NFX1: variants seen among roughly 807,000 people sequenced by gnomAD.
NFX1 encodes transcriptional repressor NF-X1.
In NFX1, 69 loss-of-function variants were observed where a neutral mutation model predicts 137.2. The ratio of observed to expected loss-of-function variants is 0.50; its 90% CI spans 0.41 to 0.61. The LOEUF (loss-of-function observed/expected upper bound fraction) is 0.61. Among genes scored for constraint, NFX1 ranks in the 20% least tolerant of loss-of-function variants. The pLI, the probability that NFX1 is intolerant of heterozygous loss-of-function variation, is 0.00. For missense variants in NFX1, 1,167 were observed against 1,391.0 expected (o/e 0.84, Z 2.56); for synonymous variants, 495 against 474.1 (o/e 1.04, Z -0.57).
At chr9:33,299,491 C>G (rs1198656254) in intron 2 of NFX1, among the ~76,000 whole-genome samples, 2 of 152,090 alleles carry the variant, frequency 1.3e-5, no homozygotes, top group Non-Finnish European at 2.9e-5. Flanking sequence ...TCAAGACCAT[C>G]CTGGGCAACA....
intron 11 of NFX1, among the ~76,000 whole-genome samples, chr9:33,337,131 C>T (rs1823035660): frequency 6.6e-6 from 1 of 152,136 alleles, no homozygotes; most frequent in Non-Finnish European, 1.5e-5. Context: ...CCTGCCCTAG[C>T]CACACTTAAA....
At chr9:33,324,655 C>T (rs1822510794) in intron 9 of NFX1, among the ~76,000 whole-genome samples, 1 of 152,104 alleles carries the variant, frequency 6.6e-6, no homozygotes, top group African/African-American at 2.4e-5. Flanking sequence ...TGGTCAGGCA[C>T]AGTGGCTCAT....
intron 9 of NFX1, 115 bp from the exon 10 acceptor site, chr9:33,328,464 ACT>A (rs1822678313): frequency 1.4e-6 from 1 of 700,014 alleles, no homozygotes; most frequent in Admixed American, 2.2e-5. Flanking sequence ...ACTTCCCTCA[ACT>A]CTGATTCTGG....
At chr9:33,352,320 G>A in intron 16 of NFX1, 1 of 468,096 alleles carries the variant, frequency 2.1e-6, no homozygotes, top group Non-Finnish European at 4.2e-6. Context: ...ATGTGGAGTT[G>A]GCTTGGAGTT....
intron 10 of NFX1, among the ~76,000 whole-genome samples, chr9:33,329,590 A>G (rs542801529): frequency 1.3e-4 from 20 of 151,676 alleles, no homozygotes; most frequent in Admixed American, 3.9e-4. Context: ...TTCACTGTAC[A>G]TCTGTTTTGT....
chr9:33,303,228 T>A lies in NFX1; in HGVS notation c.1230T>A (p.Asn410Lys). ...GTTGGAGGTGCCCTGCCTGTCAGAA[T>A]GTTTCTGCACATGTTCCTAATACCT... is the stretch of plus-strand genomic sequence containing the variant. ...QSGWRCPACQ[N>K]VSAHVPNTYT... The change falls in exon 4 of 24, where the codon AAT becomes AAA. Residue 410 changes from asparagine to lysine, a missense_variant. Transcript: ENST00000379540. 2 of 1,614,186 alleles carry A rather than the reference T, an allele frequency of 1.2e-6. No individual in the cohort carries two copies. The highest frequency in any genetic ancestry group is 1.7e-6 in the Non-Finnish European group (2 of 1,180,022).
chr9:33,320,817 T>C (rs1238402314), intron 9 of NFX1, among the ~76,000 whole-genome samples: 1 of 152,232 alleles, frequency 6.6e-6, no homozygotes, highest in Non-Finnish European at 1.5e-5. Flanking sequence ...GCTAGAATCT[T>C]TAGGTTTGGT....
chr9:33,302,637 G>A (rs1333762232), intron 3 of NFX1, among the ~76,000 whole-genome samples: 1 of 150,900 alleles, frequency 6.6e-6, no homozygotes, highest in African/African-American at 2.4e-5. Context: ...AGACACATGA[G>A]CCACCATGCC....
At chr9:33,344,302 C>T (rs1398149642) in intron 14 of NFX1, 114 bp downstream of exon 14, 3 of 1,457,636 alleles carry the variant, frequency 2.1e-6, no homozygotes, top group African/African-American at 1.4e-5. Flanking sequence ...GCCCCTTGCT[C>T]CCGGCTCAGG....
chr9:33,348,998 G>A (rs1371880060), intron 15 of NFX1, among the ~76,000 whole-genome samples: 4 of 152,156 alleles, frequency 2.6e-5, no homozygotes, highest in African/African-American at 9.7e-5. Context: ...CTTCATGGAC[G>A]TATATTCCTC....
intron 9 of NFX1, among the ~76,000 whole-genome samples, chr9:33,324,623 T>A (rs560039385): frequency 3.5e-4 from 53 of 151,912 alleles, no homozygotes; most frequent in Admixed American, 9.2e-4. Flanking sequence ...TCAGTGAACA[T>A]GAAAATAGAT....
rs371208813 is a variant in NFX1 at position 33,295,356 on chromosome 9, A to T, written c.962A>T (p.Asp321Val). Residue 321 changes from aspartate to valine, a missense_variant, in exon 2 of 24, where the codon GAT (aspartate) becomes GTT (valine). Around this residue, in one of 3 missense-constraint regions of NFX1, gnomAD observed 367 missense variants for 386.7 expected, o/e 0.95. Coordinates refer to ENST00000379540, the MANE Select transcript of NFX1 (RefSeq NM_002504.6). ...GAGAAATGCACTGTACGGAGGCAGG[A>T]TCCTCAAGTAGTATCTCCTTTCTCC... ...DQEKCTVRRQ[D>V]PQVVSPFSRG... is the part of the protein sequence containing the mutation. The T allele has an allele frequency of 1.0e-4, 169 of 1,614,042 alleles. No homozygotes were observed. Among genetic ancestry groups the T allele is most frequent in the Non-Finnish European group, 1.3e-4 (148 of 1,180,044 alleles).
chr9:33,339,591 A>G (rs1823143201), intron 12 of NFX1, among the ~76,000 whole-genome samples: 1 of 152,150 alleles, frequency 6.6e-6, no homozygotes, highest in Non-Finnish European at 1.5e-5. Flanking sequence ...TGCCTTTCCA[A>G]CTGTCCCCCA....
At chr9:33,332,607 A>G in intron 11 of NFX1, 105 bp downstream of exon 11, 1 of 752,176 alleles carries the variant, frequency 1.3e-6, no homozygotes, top group Non-Finnish European at 2.2e-6. Context: ...CAGTGAAGGC[A>G]TACTTAAGAT....
At chr9:33,329,986 G>A (rs1822742864) in intron 10 of NFX1, among the ~76,000 whole-genome samples, 1 of 151,666 alleles carries the variant, frequency 6.6e-6, no homozygotes, top group Non-Finnish European at 1.5e-5. Context: ...TAGAGGTGGG[G>A]TTTCACCATG....
intron 14 of NFX1, among the ~76,000 whole-genome samples, chr9:33,345,696 C>T (rs936374495): frequency 3.3e-5 from 5 of 152,076 alleles, no homozygotes; most frequent in African/African-American, 9.7e-5. Flanking sequence ...TGATCTGTCC[C>T]CTTGTAAGTA....
intron 2 of NFX1, among the ~76,000 whole-genome samples, chr9:33,296,342 C>T (rs549492145): frequency 6.6e-6 from 1 of 152,218 alleles, no homozygotes; most frequent in Non-Finnish European, 1.5e-5. Flanking sequence ...CTGGATTCTA[C>T]ACTTTTTTGT....
chr9:33,346,519 GC>G (rs1247300754), intron 14 of NFX1, among the ~76,000 whole-genome samples: 1 of 152,168 alleles, frequency 6.6e-6, no homozygotes, highest in Non-Finnish European at 1.5e-5. Flanking sequence ...CAACCCATCT[GC>G]ATAGGAACTG....
In NFX1 at chr9:33,346,536, C is replaced by A. The variant is rs373449739; in HGVS notation, c.2345-502C>A. Among the ~76,000 whole-genome samples, 3 of 152,220 alleles carry A rather than the reference C, an allele frequency of 2.0e-5. No individual in the cohort carries two copies. In the East Asian group the frequency reaches 5.8e-4, roughly 29 times the overall value. On this transcript the variant is annotated intron_variant, in intron 14 of 23. Transcript: ENST00000379540. ...ACCCATCTGCATAGGAACTGAGACA[C>A]CAGGAAGTGTGAGGGAGCCCAGACG...
Sources: allele counts gnomAD v4.1 joint callset (sites outside exome capture counted in the v4.1 genomes callset), GRCh38; gene constraint gnomAD v4.1.1; regional missense constraint gnomAD v4.1.1; transcripts MANE v1.5; gene names NCBI Gene and HGNC (gene_info 2026-07-23, HGNC 2026-07-21).